The following AP3D1 variants were observed in gnomAD, a reference collection of about 807,000 sequenced individuals.
The protein encoded by AP3D1 is adaptor related protein complex 3 subunit delta 1.
AP3D1 carries 51 observed loss-of-function variants against 147.6 expected under a neutral mutation model. The ratio of observed to expected loss-of-function variants is 0.35; its 90% confidence interval spans 0.28 to 0.44. The LOEUF (loss-of-function observed/expected upper bound fraction) is 0.44, where lower values mean the gene tolerates loss of function less well. AP3D1 is among the 20% of genes least tolerant of loss of function. AP3D1 has a pLI of 1.00. For synonymous variants in AP3D1, 760 were observed against 663.0 expected (o/e 1.15, Z -2.25); for missense variants, 1,421 against 1,624.2 (o/e 0.87, Z 2.15).
chr19:2,157,649 G>A (rs1416629551), intron 1 of AP3D1, among the ~76,000 whole-genome samples: 4 of 89,340 alleles, frequency 4.5e-5, no homozygotes, highest in South Asian at 8.2e-4. Flanking sequence ...ACCCATCAAC[G>A]TTAGTTGAAA....
intron 14 of AP3D1, among the ~76,000 whole-genome samples, chr19:2,119,498 C>G (rs1013353398): frequency 2.0e-5 from 3 of 152,008 alleles, no homozygotes; most frequent in African/African-American, 7.3e-5. Context: ...TCGAGACCAT[C>G]CTGGCTAACA....
At chr19:2,112,767 G>T in intron 24 of AP3D1, 93 bp downstream of exon 24, 1 of 972,008 alleles carries the variant, frequency 1.0e-6, no homozygotes, top group East Asian at 2.6e-5. Flanking sequence ...GGGCTGCCCT[G>T]GGACCTGGGT....
chr19:2,112,181 A>C lies in AP3D1; in HGVS notation c.2788-353T>G, dbSNP rs978766503. 62 of 308,602 alleles carry C rather than the reference A, an allele frequency of 2.0e-4. 1 individual carries two copies. The Admixed American group carries it at 2.3e-3, about 12-fold the overall frequency. The allele number at this position is 308,602 out of a possible 1,614,324, so 19.1% of individuals were successfully genotyped here. A position where few individuals can be genotyped will look rare whatever the true frequency, so the allele number is the denominator to read the frequency against. On this transcript the variant is annotated intron_variant, in intron 24 of 31. Coordinates refer to ENST00000643116, the MANE Select transcript of AP3D1 (RefSeq NM_001261826.3). ...ACACACACATCCACGCGCACTGCGC[A>C]GATGTTCAAAGCGGCATACTGTGTC...
Position 2,118,798 on chromosome 19 carries a change from T to C in AP3D1, c.1516A>G (p.Met506Val), listed in dbSNP as rs570666570. 1.6e-5 allele frequency: 26 copies of C among 1,613,558 alleles called. No homozygotes were observed. Among genetic ancestry groups the C allele is most frequent in the Non-Finnish European group, 2.2e-5 (26 of 1,180,002 alleles). Reference protein sequence around the residue: ...LQEPHHTLEAMLRPRVTTLPG... With the variant: ...LQEPHHTLEAVLRPRVTTLPG... ...AGCGTGGTGACTCTGGGCCGCAGCATGGCCTCCAAAGTGTGGTGTGGTTCC... is the reference window on the plus strand; with the variant it reads ...AGCGTGGTGACTCTGGGCCGCAGCACGGCCTCCAAAGTGTGGTGTGGTTCC... The change falls in exon 15 of 32, where the codon ATG becomes GTG. Residue 506 changes from methionine (M) to valine (V), a missense_variant. Met to Val is a conservative substitution (Grantham distance 21, BLOSUM62 1). Coordinates refer to ENST00000643116, the MANE Select transcript of AP3D1 (RefSeq NM_001261826.3).
Position 2,132,543 on chromosome 19 carries a change from A to C in AP3D1, c.390T>G (p.Val130=). The change falls in exon 5 of 32, where the codon GTT becomes GTG. Residue 130 remains valine, a synonymous_variant. Coordinates refer to ENST00000643116, the MANE Select transcript of AP3D1 (RefSeq NM_001261826.3). ...CGAAGCAGGACAGACCCGTCAGTGC[A>C]ACACCTGTGTCGTACTGGCTGGGGC... ...LSSPSQYDTG[V]ALTGLSCFVT... is the part of the protein sequence containing the mutation. 6.2e-7 allele frequency: 1 copy of C among 1,611,180 alleles called. No homozygotes were observed. Among genetic ancestry groups the C allele is most frequent in the Non-Finnish European group, 8.5e-7 (1 of 1,177,638 alleles).
intron 7 of AP3D1, 66 bp from the exon 8 acceptor site, chr19:2,129,229 G>C (rs1357239261): frequency 1.9e-6 from 3 of 1,609,918 alleles, no homozygotes; most frequent in South Asian, 2.2e-5. Flanking sequence ...GGACAGGGGG[G>C]GCCTCGGTCA....
upstream of AP3D1, among the ~76,000 whole-genome samples, chr19:2,152,098 C>T (rs1345075281): frequency 6.6e-6 from 1 of 152,210 alleles, no homozygotes; most frequent in Non-Finnish European, 1.5e-5. Flanking sequence ...AGGCCAGAGA[C>T]AGGACTACGA....
chr19:2,163,011 C>T (rs1042935804), intron 1 of AP3D1, among the ~76,000 whole-genome samples: 3 of 152,116 alleles, frequency 2.0e-5, no homozygotes, highest in Non-Finnish European at 4.4e-5. Context: ...CCTTGTTCAT[C>T]CCTGGGCATA....
chr19:2,146,508 G>T (rs1014293442), intron 1 of AP3D1, among the ~76,000 whole-genome samples: 1 of 151,606 alleles, frequency 6.6e-6, no homozygotes, highest in Non-Finnish European at 1.5e-5. Flanking sequence ...GGAGGCTGAG[G>T]CAGGAGAATC....
chr19:2,164,370 G>T, exon 1 of AP3D1: 1 of 737,044 alleles, frequency 1.4e-6, no homozygotes, highest in South Asian at 6.6e-5. Flanking sequence ...CCCCCCTGCG[G>T]AACGGAGACC....
At chr19:2,117,536 C>T (rs186756875) in intron 15 of AP3D1, among the ~76,000 whole-genome samples, 169 bp from the exon 16 acceptor site, 3 of 152,342 alleles carry the variant, frequency 2.0e-5, no homozygotes, top group South Asian at 2.1e-4. Context: ...TCATCATCCT[C>T]GCCAGGAAGC....
chr19:2,121,682 T>G, intron 12 of AP3D1, 52 bp downstream of exon 12: 1 of 1,523,984 alleles, frequency 6.6e-7, no homozygotes, highest in Non-Finnish European at 8.8e-7. Flanking sequence ...ACACTTAATG[T>G]CCCTTAGAGA....
intron 28 of AP3D1, 77 bp from the exon 29 acceptor site, chr19:2,110,035 GC>G: frequency 6.3e-7 from 1 of 1,585,938 alleles, no homozygotes; most frequent in Non-Finnish European, 8.6e-7. Flanking sequence ...CAGGCAGGTG[GC>G]CCACTTCCCC....
intron 31 of AP3D1, among the ~76,000 whole-genome samples, chr19:2,105,670 TGTGA>T (rs1209186795): frequency 2.0e-5 from 3 of 152,124 alleles, no homozygotes; most frequent in South Asian, 2.1e-4. Context: ...TGTATTTCTG[TGTGA>T]GTGTCTTTAA....
rs1053852045 is a variant in AP3D1 at position 2,109,708 on chromosome 19, G to A, written c.3350+165C>T. ...GGCTTCAACTACACGGCCCCGGCTG[G>A]CGCAGACACCAGGCAGCCTGACCTG... On this transcript the variant is annotated intron_variant, in intron 29 of 31. Coordinates refer to ENST00000643116, the MANE Select transcript of AP3D1 (RefSeq NM_001261826.3). 9.0e-6 allele frequency: 6 copies of A among 664,748 alleles called. No homozygotes were observed. The Admixed American group carries it at 9.8e-5, about 11-fold the overall frequency. 41.2% of individuals were successfully genotyped at this position (664,748 alleles called of 1,614,324 possible).
chr19:2,110,748 G>A lies in AP3D1; in HGVS notation c.3134C>T (p.Ser1045Phe), dbSNP rs768412125. ...NARMARPQGS[S>F]VHDGVPVPFQ... ...AGGCACGGGGACGCCATCGTGGACG[G>A]AGGAGCCCTGCGGCCGGGCCATCCT... Residue 1045 changes from serine to phenylalanine, a missense_variant, in exon 27 of 32, where the codon TCC (serine) becomes TTC (phenylalanine). By Grantham distance (155) the Ser-to-Phe change is radical. Transcript: ENST00000643116. 6.2e-7 allele frequency: 1 copy of A among 1,610,760 alleles called. No homozygotes were observed. The highest frequency in any genetic ancestry group is 1.1e-5 in the South Asian group (1 of 90,700).
In AP3D1 at chr19:2,127,056, G is replaced by A. The variant is rs199612519; in HGVS notation, c.856+96C>T. 2.2e-4 allele frequency: 301 copies of A among 1,349,736 alleles called. 2 individuals are homozygous for A. The East Asian group carries it at 5.3e-3, about 24-fold the overall frequency. 83.6% of individuals were successfully genotyped at this position (1,349,736 alleles called of 1,614,324 possible). ...CCTTCTCAGTTCCAGCAGGGGTGGC[G>A]CTCGGAGACACCAGGCCTGGCGCCC... is the stretch of plus-strand genomic sequence containing the variant. On this transcript the variant is annotated intron_variant, in intron 9 of 31. Transcript: ENST00000643116.
At chr19:2,158,465 CCAGCTA>C (rs1449251645) in intron 1 of AP3D1, among the ~76,000 whole-genome samples, 1 of 151,364 alleles carries the variant, frequency 6.6e-6, no homozygotes, top group Non-Finnish European at 1.5e-5. Flanking sequence ...AAGCAGGGGC[CCAGCTA>C]CTTTTTGTGT....
chr19:2,107,959 C>T (rs1276327178), intron 31 of AP3D1, among the ~76,000 whole-genome samples: 1 of 152,134 alleles, frequency 6.6e-6, no homozygotes, highest in African/African-American at 2.4e-5. Context: ...CCAACGTGAA[C>T]GGTAACTTGG....
Sources: gnomAD v4.1 joint callset for allele counts (sites outside exome capture counted in the v4.1 genomes callset) on GRCh38, gnomAD v4.1.1 for gene constraint, MANE v1.5 for transcripts, NCBI Gene and HGNC (gene_info 2026-07-23, HGNC 2026-07-21) for gene names.